CUBN: variants seen among roughly 807,000 people sequenced by gnomAD.
The protein encoded by CUBN is cubilin.
A neutral mutation model predicts 405.3 loss-of-function variants in CUBN; 282 were observed. The observed-to-expected ratio is 0.70, with a 90% CI of 0.63 to 0.77. The LOEUF is 0.77. Ranked by LOEUF, CUBN falls within the 30% of genes least tolerant of loss-of-function variation. The pLI, the probability that CUBN is intolerant of heterozygous loss-of-function variation, is 0.00. For missense variants in CUBN, 4,514 were observed against 4,475.2 expected, an observed-to-expected ratio of 1.01 and a Z score of -0.25; for synonymous variants, 1,684 against 1,617.0, an observed-to-expected ratio of 1.04 and a Z score of -0.99.
chr10:17,059,975 T>G (rs1182958165), intron 22 of CUBN, among the ~76,000 whole-genome samples: 4 of 152,182 alleles, frequency 2.6e-5, no homozygotes, highest in Non-Finnish European at 5.9e-5. Flanking sequence ...ATCACCACAC[T>G]TTTTAGAGAG....
chr10:17,027,283 G>A (rs1026204873), intron 27 of CUBN, among the ~76,000 whole-genome samples: 4 of 152,128 alleles, frequency 2.6e-5, no homozygotes, highest in Admixed American at 2.0e-4. Flanking sequence ...TTCACAACAG[G>A]AATTGGTGGC....
intron 25 of CUBN, among the ~76,000 whole-genome samples, chr10:17,044,454 G>A (rs927337828): frequency 3.3e-5 from 5 of 151,922 alleles, no homozygotes; most frequent in East Asian, 1.9e-4. Flanking sequence ...AGTAATAAGC[G>A]TGTGAGCTTA....
chr10:16,941,914 A>G (rs1291103812), intron 36 of CUBN, among the ~76,000 whole-genome samples: 1 of 152,160 alleles, frequency 6.6e-6, no homozygotes, highest in South Asian at 2.1e-4. Context: ...GATAATCGTA[A>G]AGCATTTATC....
chr10:16,981,724 C>T (rs942336556), intron 31 of CUBN, among the ~76,000 whole-genome samples: 5 of 152,178 alleles, frequency 3.3e-5, no homozygotes, highest in South Asian at 2.1e-4. Flanking sequence ...TTCGTCTATT[C>T]GTGTGCTCCC....
chr10:16,915,794 AAAAGAGAGCAGATATATT>A lies in CUBN; in HGVS notation c.7210+9_7210+26del. 1 of 1,580,154 alleles carries A rather than the reference AAAAGAGAGCAGATATATT, an allele frequency of 6.3e-7. No individual in the cohort carries two copies. The highest frequency in any genetic ancestry group is 1.7e-5 in the Admixed American group (1 of 59,968). On this transcript the variant is annotated intron_variant, in intron 46 of 66. Coordinates refer to ENST00000377833, the MANE Select transcript of CUBN (RefSeq NM_001081.4). ...TAAGTACATGTGAAAATAAACACCCAAAAGAGAGCAGATATATTTTACTAACCAGAGGTATGATTGTCC... is the reference window on the plus strand; with the variant it reads ...TAAGTACATGTGAAAATAAACACCCATTACTAACCAGAGGTATGATTGTCC...
At chr10:16,972,153 C>T (rs1185266945) in intron 31 of CUBN, among the ~76,000 whole-genome samples, 1 of 152,118 alleles carries the variant, frequency 6.6e-6, no homozygotes, top group Non-Finnish European at 1.5e-5. Context: ...CCTCCTCAGC[C>T]TCCTCTCCTC....
At chr10:16,845,952 A>G (rs1839496644) in intron 60 of CUBN, among the ~76,000 whole-genome samples, 1 of 152,250 alleles carries the variant, frequency 6.6e-6, no homozygotes, top group African/African-American at 2.4e-5. Flanking sequence ...GCATTTAGTA[A>G]TTCACAGGAC....
chr10:16,907,641 C>G lies in CUBN; in HGVS notation c.7572G>C (p.Glu2524Asp). The G allele has an allele frequency of 2.5e-6, 4 of 1,612,548 alleles. No individual in the cohort carries two copies. Among genetic ancestry groups the G allele is most frequent in the Non-Finnish European group, 3.4e-6 (4 of 1,179,992 alleles). The change falls in exon 49 of 67, where the codon GAG becomes GAC. Residue 2524 changes from glutamate to aspartate, a missense_variant. By Grantham distance (45) the Glu-to-Asp change is conservative. Transcript: ENST00000377833. ...NGIRSNSPQL[E>D]KLCSSVNVSN... ...TTACATTCACACTACTACACAGTTT[C>G]TCTAGCTGGGGTGAGTTACTTCTAA...
chr10:17,097,711 A>G (rs1836405310), intron 14 of CUBN, among the ~76,000 whole-genome samples: 1 of 152,148 alleles, frequency 6.6e-6, no homozygotes, highest in African/African-American at 2.4e-5. Context: ...AAGTTGATTC[A>G]CCATTCAAAA....
At position 16,947,341 on chromosome 10, in the gene CUBN, C is replaced by T; in HGVS notation, c.5236G>A (p.Glu1746Lys). The T allele has an allele frequency of 1.9e-6, 3 of 1,614,048 alleles. No homozygotes were observed. Among genetic ancestry groups the T allele is most frequent in the Non-Finnish European group, 2.5e-6 (3 of 1,179,980 alleles). The change falls in exon 36 of 67, where the codon GAA (glutamate) becomes AAA (lysine). Residue 1746 changes from glutamate (E) to lysine (K), a missense_variant. This residue lies in a region of CUBN where 1,613 missense variants were observed against 1,542.8 expected (regional missense o/e 1.05). Coordinates refer to ENST00000377833, the MANE Select transcript of CUBN (RefSeq NM_001081.4). ...SACGGTFYMA[E>K]GIFNSPGYPD... The stretch of plus-strand genomic sequence containing the variant: ...TAGCCAGGGCTGTTGAAGATGCCTT[C>T]AGCCATGTAGAACGTTCCACCACAA...
In CUBN at chr10:17,041,096, C is replaced by T; in HGVS notation, c.3954G>A (p.Val1318=). The T allele has an allele frequency of 6.2e-7, 1 of 1,613,776 alleles. No homozygotes were observed. Residue 1318 remains valine, a synonymous_variant, in exon 27 of 67, where the codon GTG becomes GTA. Transcript: ENST00000377833. The stretch of plus-strand genomic sequence containing the variant: ...AGTCAAATGCTAAAAATGTGTAGTT[C>T]ACAGTGTTGCCTGTTGTTGCCCGGA... ...WTIRATTGNT[V]NYTFLAFDLE...
chr10:16,968,365 T>C (rs1370763699), intron 31 of CUBN, among the ~76,000 whole-genome samples: 1 of 152,116 alleles, frequency 6.6e-6, no homozygotes, highest in Non-Finnish European at 1.5e-5. Flanking sequence ...TTTCTTTCTT[T>C]CTCCTAGATA....
rs12244188 is a variant in CUBN at position 17,046,692 on chromosome 10, C to T, written c.3330-598G>A. ...TTAAGAAAATTATGTCATTTTAGCA[C>T]GATAGGGTCCAATTATGATTTATTA... On this transcript the variant is annotated intron_variant, in intron 23 of 66. Transcript: ENST00000377833. Among the ~76,000 whole-genome samples, 736 of 152,164 alleles carry T rather than the reference C, an allele frequency of 4.8e-3. 10 individuals carry two copies. Among genetic ancestry groups the T allele is most frequent in the African/African-American group, 0.016 (676 of 41,550 alleles).
chr10:17,087,460 A>ATTTTT (rs1564510318), intron 15 of CUBN, among the ~76,000 whole-genome samples: 1 of 99,096 alleles, frequency 1.0e-5, no homozygotes, highest in Non-Finnish European at 2.0e-5. Flanking sequence ...AATCACTATT[A>ATTTTT]TTTTTCTTTT....
In CUBN at chr10:17,104,572, A is replaced by C; in HGVS notation, c.1264T>G (p.Ser422Ala). Reference sequence around the variant, plus strand: ...GTACAGTTGACACCTGTCCAACCTGAGTCACACTTACAAAAATAACCAGAG... The same window carrying C: ...GTACAGTTGACACCTGTCCAACCTGCGTCACACTTACAAAAATAACCAGAG... ...TVSGYFCKCD[S>A]GWTGVNCTEN... Residue 422 changes from serine to alanine, a missense_variant, in exon 12 of 67, where the codon TCA becomes GCA. Physicochemically the swap from Ser to Ala is moderately conservative, Grantham distance 99. This residue lies in a region of CUBN where 1,448 missense variants were observed against 1,388.0 expected (regional missense o/e 1.04). Transcript: ENST00000377833. The C allele has an allele frequency of 6.2e-7, 1 of 1,613,862 alleles. No homozygotes were observed. The highest frequency in any genetic ancestry group is 8.5e-7 in the Non-Finnish European group (1 of 1,179,942).
chr10:16,870,429 C>G (rs1017910929), intron 58 of CUBN, among the ~76,000 whole-genome samples: 1 of 152,192 alleles, frequency 6.6e-6, no homozygotes, highest in Non-Finnish European at 1.5e-5. Context: ...GTGGTGGTCA[C>G]TGACACTTCT....
chr10:16,917,903 C>T (rs1178345823), intron 45 of CUBN, among the ~76,000 whole-genome samples: 2 of 151,832 alleles, frequency 1.3e-5, no homozygotes, highest in Non-Finnish European at 2.9e-5. Flanking sequence ...AAAAATGTTT[C>T]CCAGGGTTTT....
Position 17,041,045 on chromosome 10 carries a change from T to C in CUBN, c.4005A>G (p.Thr1335=), listed in dbSNP as rs1489670746. Residue 1335 remains threonine (T), a synonymous_variant, in exon 27 of 67, where the codon ACA becomes ACG. Transcript: ENST00000377833. ...TTATAATACATACCTCTAAATAATC[T>C]GTGGAGCAGTTTATGTGATGTTCCA... ...FDLEHHINCS[T]DYLELYDGPR... 1.7e-5 allele frequency: 27 copies of C among 1,613,568 alleles called. No homozygotes were observed. Among genetic ancestry groups the C allele is most frequent in the Non-Finnish European group, 1.9e-5 (22 of 1,179,634 alleles).
At position 17,123,645 on chromosome 10, in the gene CUBN, A is replaced by G. The variant is rs771904557; in HGVS notation, c.432T>C (p.Gly144=). The change falls in exon 5 of 67, where the codon GGT becomes GGC. Residue 144 remains glycine (G), a synonymous_variant. Coordinates refer to ENST00000377833, the MANE Select transcript of CUBN (RefSeq NM_001081.4). ...AATCATGCAGATTGAGGCAGGTTCC[A>G]CCATTCTGGCAAGGATTGCTGCTGC... The part of the protein sequence containing the change: ...KVCSSNPCQN[G]GTCLNLHDSF... The G allele has an allele frequency of 6.2e-7, 1 of 1,614,080 alleles. No homozygotes were observed. Among genetic ancestry groups the G allele is most frequent in the Non-Finnish European group, 8.5e-7 (1 of 1,180,006 alleles).
Sources: gnomAD v4.1 joint callset for allele counts (sites outside exome capture counted in the v4.1 genomes callset) on GRCh38, gnomAD v4.1.1 for gene constraint, gnomAD v4.1.1 regional missense constraint, MANE v1.5 for transcripts, NCBI Gene and HGNC (gene_info 2026-07-23, HGNC 2026-07-21) for gene names.